CYSLTR2: variants seen among roughly 807,000 people sequenced by gnomAD.
The protein encoded by CYSLTR2 is cysteinyl leukotriene receptor 2, also known as G-protein coupled receptor GPCR21.
For missense variants in CYSLTR2, 398 were observed against 411.9 expected, an observed-to-expected ratio of 0.97 and a Z score of 0.29; for synonymous variants, 179 against 160.8, an observed-to-expected ratio of 1.11 and a Z score of -0.86.
intron 1 of CYSLTR2, among the ~76,000 whole-genome samples, chr13:48,667,822 C>T (rs1044809326): frequency 2.0e-5 from 3 of 152,160 alleles, no homozygotes; most frequent in Admixed American, 1.3e-4. Flanking sequence ...ACATACAGTA[C>T]TATTGTGGGA....
chr13:48,666,815 A>G lies in CYSLTR2; in HGVS notation c.-266+12798A>G, dbSNP rs1168639868. On this transcript the variant is annotated intron_variant, in intron 1 of 4. Transcript: ENST00000682523. ...AATTATGAATCATTTTCCTGATTTC[A>G]TTGAATTGTCTATCTGTATTCTCTT... Among the ~76,000 whole-genome samples, 5 of 151,940 alleles carry G rather than the reference A, an allele frequency of 3.3e-5. No homozygotes were observed. The East Asian group carries it at 9.7e-4, about 29-fold the overall frequency.
intron 1 of CYSLTR2, among the ~76,000 whole-genome samples, chr13:48,661,122 T>C (rs1953117286): frequency 1.3e-5 from 2 of 152,022 alleles, no homozygotes; most frequent in South Asian, 4.1e-4. Context: ...TTTTTTTAAT[T>C]TTTCTTTTTT....
At chr13:48,704,412 T>C (rs557463635) in intron 4 of CYSLTR2, among the ~76,000 whole-genome samples, 2 of 152,296 alleles carry the variant, frequency 1.3e-5, no homozygotes, top group Non-Finnish European at 2.9e-5. Flanking sequence ...TCGATTGTAT[T>C]GACTTTTTTC....
intron 1 of CYSLTR2, among the ~76,000 whole-genome samples, chr13:48,666,031 T>A (rs973368509): frequency 5.9e-5 from 9 of 152,174 alleles, no homozygotes; most frequent in Admixed American, 5.9e-4. Context: ...TGAAAATGGT[T>A]ATCATCTTTT....
At chr13:48,685,268 G>A (rs904258214) in intron 1 of CYSLTR2, among the ~76,000 whole-genome samples, 1 of 62,688 alleles carries the variant, frequency 1.6e-5, no homozygotes, top group African/African-American at 3.5e-5. Flanking sequence ...AAACACTCAC[G>A]AGAACTCACT....
intron 4 of CYSLTR2, among the ~76,000 whole-genome samples, chr13:48,697,236 T>A (rs927507552): frequency 1.1e-4 from 17 of 152,076 alleles, no homozygotes; most frequent in African/African-American, 3.9e-4. Context: ...GACCCCCGAG[T>A]AGCCTAACTG....
Position 48,706,800 on chromosome 13 carries a change from G to A in CYSLTR2, c.-1-17G>A. The A allele has an allele frequency of 6.3e-7, 1 of 1,582,888 alleles. No individual in the cohort carries two copies. Among genetic ancestry groups the A allele is most frequent in the Non-Finnish European group, 8.6e-7 (1 of 1,164,888 alleles). ...ATTCACAAAGTAACTTTTTGTGTCT[G>A]TTTCTTTTTAACCCAGCATGGAGAG... On this transcript the variant is annotated splice_polypyrimidine_tract_variant and intron_variant, in intron 4 of 4. Coordinates refer to ENST00000682523, the MANE Select transcript of CYSLTR2 (RefSeq NM_001308476.3).
chr13:48,678,798 C>G (rs1470107415), intron 1 of CYSLTR2, among the ~76,000 whole-genome samples: 1 of 152,138 alleles, frequency 6.6e-6, no homozygotes, highest in African/African-American at 2.4e-5. Context: ...CCCTGACCCT[C>G]TATATTTAGT....
At chr13:48,673,812 G>T (rs191597379) in intron 1 of CYSLTR2, among the ~76,000 whole-genome samples, 2 of 152,236 alleles carry the variant, frequency 1.3e-5, no homozygotes, top group Non-Finnish European at 2.9e-5. Flanking sequence ...TGTAAGGCAG[G>T]CCTGGTGGTG....
At chr13:48,670,853 A>G (rs184790822) in intron 1 of CYSLTR2, among the ~76,000 whole-genome samples, 2 of 152,216 alleles carry the variant, frequency 1.3e-5, no homozygotes, top group African/African-American at 4.8e-5. Context: ...CATTGAATCT[A>G]TAAATTACTT....
chr13:48,661,757 G>A (rs981471037), intron 1 of CYSLTR2, among the ~76,000 whole-genome samples: 3 of 151,954 alleles, frequency 2.0e-5, no homozygotes, highest in Admixed American at 6.6e-5. Context: ...ATATTCATGG[G>A]GTATATATTG....
intron 1 of CYSLTR2, among the ~76,000 whole-genome samples, chr13:48,678,430 A>G (rs1035649697): frequency 9.2e-5 from 14 of 152,026 alleles, no homozygotes; most frequent in Non-Finnish European, 2.1e-4. Flanking sequence ...GTCTTTCTCA[A>G]TCATCATTCC....
intron 4 of CYSLTR2, among the ~76,000 whole-genome samples, chr13:48,705,540 GT>G (rs957223378): frequency 4.7e-5 from 7 of 150,024 alleles, no homozygotes; most frequent in African/African-American, 9.8e-5. Flanking sequence ...TATCTGTAAT[GT>G]TTTTGAGTGT....
intron 1 of CYSLTR2, among the ~76,000 whole-genome samples, chr13:48,680,718 C>T (rs572954059): frequency 1.1e-4 from 17 of 152,022 alleles, no homozygotes; most frequent in Non-Finnish European, 1.9e-4. Context: ...AGCTTCCTGT[C>T]GCATACTTCA....
intron 1 of CYSLTR2, among the ~76,000 whole-genome samples, chr13:48,654,893 AG>A (rs1287097432): frequency 6.6e-6 from 1 of 152,254 alleles, no homozygotes; most frequent in Non-Finnish European, 1.5e-5. Flanking sequence ...CAGATGACCT[AG>A]GTCATTCAAA....
chr13:48,707,857 A>G lies in CYSLTR2; in HGVS notation c.1040A>G (p.Ter347=), dbSNP rs1242164033. The change falls in exon 5 of 5, where the codon TAA becomes TGA. Residue 347 remains the stop codon, a stop_retained_variant. Coordinates refer to ENST00000682523, the MANE Select transcript of CYSLTR2 (RefSeq NM_001308476.3). ...TGGTTGAGAAAGGAAACAAGAGTAT[A>G]AGGAGCTCTTAGATGAGACCTGTTC... ...SVWLRKETRV[*] is the part of the protein sequence containing the mutation. The G allele has an allele frequency of 3.3e-6, 5 of 1,519,554 alleles. No homozygotes were observed. Among genetic ancestry groups the G allele is most frequent in the Non-Finnish European group, 4.4e-6 (5 of 1,135,742 alleles). The allele number at this position is 1,519,554 out of a possible 1,614,324, so 94.1% of individuals were successfully genotyped here. A position where few individuals can be genotyped will look rare whatever the true frequency, so the allele number is the denominator to read the frequency against.
rs568328826 is a variant in CYSLTR2, at chr13:48,657,242, G to T, written c.-266+3225G>T. 3.3e-5 allele frequency among the ~76,000 whole-genome samples: 5 copies of T among 152,304 alleles called. No individual in the cohort carries two copies. In the South Asian group the frequency reaches 1.0e-3, roughly 32 times the overall value. Reference sequence around the variant, plus strand: ...AATTTAAAGGAAAACCTCTTCCAATGGATTGATGACTTTGTGGCAGTACAG... The same window carrying T: ...AATTTAAAGGAAAACCTCTTCCAATTGATTGATGACTTTGTGGCAGTACAG... On this transcript the variant is annotated intron_variant, in intron 1 of 4. Transcript: ENST00000682523.
intron 1 of CYSLTR2, among the ~76,000 whole-genome samples, chr13:48,690,361 C>A (rs2138936465): frequency 6.6e-6 from 1 of 152,174 alleles, no homozygotes; most frequent in East Asian, 1.9e-4. Flanking sequence ...CCAGCTTTTG[C>A]CCATTCAGTA....
intron 1 of CYSLTR2, among the ~76,000 whole-genome samples, chr13:48,669,156 C>T (rs1258778071): frequency 3.3e-5 from 5 of 152,058 alleles, no homozygotes; most frequent in Admixed American, 2.0e-4. Flanking sequence ...AATTGTATTT[C>T]TGGTTCTATA....
Sources: gnomAD v4.1 joint callset for allele counts (sites outside exome capture counted in the v4.1 genomes callset) on GRCh38, gnomAD v4.1.1 for gene constraint, MANE v1.5 for transcripts, NCBI Gene and HGNC (gene_info 2026-07-23, HGNC 2026-07-21) for gene names.